Variants in SNTB1 observed in about 807,000 individuals in gnomAD.
SNTB1 encodes beta-1-syntrophin.
In SNTB1, 36 loss-of-function variants were observed where a neutral mutation model predicts 48.9. The ratio of observed to expected loss-of-function variants is 0.74; its 90% CI spans 0.56 to 0.97. The LOEUF is 0.97. Among genes scored for constraint, SNTB1 ranks in the 50% least tolerant of loss-of-function variants. The probability of loss-of-function intolerance (pLI) is 0.00; values close to 1 mark genes in which losing one functional copy is unlikely to be tolerated. For missense variants in SNTB1, 786 were observed against 703.4 expected (o/e 1.12, Z -1.33); for synonymous variants, 299 against 294.6 (o/e 1.01, Z -0.15).
At chr8:120,577,215 CA>C (rs1228751022) in intron 3 of SNTB1, among the ~76,000 whole-genome samples, 1 of 152,216 alleles carries the variant, frequency 6.6e-6, no homozygotes, top group Non-Finnish European at 1.5e-5. Flanking sequence ...TCCCTTCCAG[CA>C]ATTCCAAACA....
intron 4 of SNTB1, among the ~76,000 whole-genome samples, chr8:120,556,290 A>T (rs552779045): frequency 1.1e-4 from 17 of 152,194 alleles, no homozygotes; most frequent in African/African-American, 4.1e-4. Context: ...GGTAGGGTGG[A>T]TGGGTGGAGA....
intron 1 of SNTB1, among the ~76,000 whole-genome samples, chr8:120,733,291 T>G (rs1818883261): frequency 6.6e-6 from 1 of 152,228 alleles, no homozygotes; most frequent in Admixed American, 6.5e-5. Context: ...ATGTTAAAAA[T>G]CTGGCTGTGG....
chr8:120,593,521 G>A (rs1382732321), intron 3 of SNTB1, among the ~76,000 whole-genome samples: 1 of 152,114 alleles, frequency 6.6e-6, no homozygotes, highest in Non-Finnish European at 1.5e-5. Context: ...AGTCTCTGTT[G>A]GTGATGGACA....
chr8:120,797,414 G>A (rs908018361), intron 1 of SNTB1, among the ~76,000 whole-genome samples: 7 of 151,904 alleles, frequency 4.6e-5, no homozygotes, highest in Non-Finnish European at 8.8e-5. Context: ...GTTATTCAGG[G>A]GTTGATATTC....
intron 2 of SNTB1, among the ~76,000 whole-genome samples, chr8:120,691,218 AATC>A (rs1818122045): frequency 6.6e-6 from 1 of 152,148 alleles, no homozygotes; most frequent in Non-Finnish European, 1.5e-5. Flanking sequence ...AAACCCAAGA[AATC>A]ATCTATTCAA....
chr8:120,693,564 C>T, intron 2 of SNTB1, 128 bp downstream of exon 2: 1 of 755,726 alleles, frequency 1.3e-6, no homozygotes, highest in East Asian at 2.7e-5. Flanking sequence ...TCAGCATGGC[C>T]CTTTCATGCT....
intron 3 of SNTB1, among the ~76,000 whole-genome samples, chr8:120,583,004 C>G (rs1188854975): frequency 6.6e-6 from 1 of 152,074 alleles, no homozygotes; most frequent in African/African-American, 2.4e-5. Flanking sequence ...GTGTGGTTCT[C>G]TCATCTATAA....
intron 3 of SNTB1, among the ~76,000 whole-genome samples, chr8:120,578,021 G>C (rs1330331192): frequency 6.6e-6 from 1 of 151,942 alleles, no homozygotes; most frequent in African/African-American, 2.4e-5. Flanking sequence ...AAATCATGTG[G>C]AAGAACAGGG....
chr8:120,662,018 G>A (rs1817596965), intron 2 of SNTB1, among the ~76,000 whole-genome samples: 1 of 151,914 alleles, frequency 6.6e-6, no homozygotes, highest in Non-Finnish European at 1.5e-5. Flanking sequence ...ACTGTACTTT[G>A]TAGATATTTC....
At chr8:120,562,086 G>A (rs1311142280) in intron 4 of SNTB1, among the ~76,000 whole-genome samples, 1 of 152,152 alleles carries the variant, frequency 6.6e-6, no homozygotes, top group African/African-American at 2.4e-5. Flanking sequence ...AAGACACTGG[G>A]ATTCCCAGAT....
chr8:120,811,912 G>T lies in SNTB1; in HGVS notation c.-69C>A, dbSNP rs1820446395. 6 of 1,287,554 alleles carry T rather than the reference G, an allele frequency of 4.7e-6. No homozygotes were observed. The highest frequency in any genetic ancestry group is 5.9e-6 in the Non-Finnish European group (6 of 1,020,768). 79.8% of individuals were successfully genotyped at this position (1,287,554 alleles called of 1,614,324 possible). A position where few individuals can be genotyped will look rare whatever the true frequency, so the allele number is the denominator to read the frequency against. On this transcript the variant is annotated 5_prime_UTR_variant, in exon 1 of 7. Coordinates refer to ENST00000517992, the MANE Select transcript of SNTB1 (RefSeq NM_021021.4). ...AAAAGTGGGGAAGGGTGGCCGGGGG[G>T]AGGACGCGGGGCCCGGGGGAGCGAG... is the stretch of plus-strand genomic sequence containing the variant.
intron 1 of SNTB1, among the ~76,000 whole-genome samples, chr8:120,764,773 G>A (rs1819488167): frequency 6.6e-6 from 1 of 152,114 alleles, no homozygotes; most frequent in Admixed American, 6.5e-5. Flanking sequence ...AAATACATAA[G>A]TGTAGACTTT....
rs546241269 is a variant in SNTB1, at chr8:120,549,515, A to G, written c.1137-557T>C. Among the ~76,000 whole-genome samples the G allele has an allele frequency of 2.0e-5, 3 of 152,352 alleles. No homozygotes were observed. The South Asian group carries it at 6.2e-4, about 32-fold the overall frequency. On this transcript the variant is annotated intron_variant, in intron 4 of 6. Coordinates refer to ENST00000517992, the MANE Select transcript of SNTB1 (RefSeq NM_021021.4). ...GATAAAGCTCAAGGAAGAACTGGCA[A>G]TGCTGGACTTCTTGAGAAGTGGTAT...
chr8:120,744,229 A>G (rs1298911282), intron 1 of SNTB1, among the ~76,000 whole-genome samples: 1 of 151,918 alleles, frequency 6.6e-6, no homozygotes, highest in African/African-American at 2.4e-5. Flanking sequence ...AGAGAAGCTG[A>G]TTAAATCAAT....
chr8:120,538,646 A>G lies in SNTB1; in HGVS notation c.*231T>C, dbSNP rs551955058. The G allele has an allele frequency of 1.7e-6, 1 of 598,020 alleles. No individual in the cohort carries two copies. Among genetic ancestry groups the G allele is most frequent in the East Asian group, 3.6e-5 (1 of 28,134 alleles). 37.0% of individuals were successfully genotyped at this position (598,020 alleles called of 1,614,324 possible). On this transcript the variant is annotated 3_prime_UTR_variant, in exon 7 of 7. Transcript: ENST00000517992. ...CGTCACCTCACCTCTTTAACCTTGT[A>G]CTGTTCTAGAAAGTTTTACTCTGAT...
chr8:120,541,459 C>G (rs1044829435), intron 6 of SNTB1, among the ~76,000 whole-genome samples: 4 of 152,154 alleles, frequency 2.6e-5, no homozygotes, highest in African/African-American at 7.2e-5. Context: ...TTGCTGCATC[C>G]CTAACGTCTA....
At chr8:120,784,543 T>A (rs918137897) in intron 1 of SNTB1, among the ~76,000 whole-genome samples, 5 of 152,070 alleles carry the variant, frequency 3.3e-5, no homozygotes, top group African/African-American at 1.2e-4. Context: ...GACACAGCTG[T>A]CCGGACAAAG....
At chr8:120,611,495 G>C (rs375447027) in intron 3 of SNTB1, among the ~76,000 whole-genome samples, 1 of 152,144 alleles carries the variant, frequency 6.6e-6, no homozygotes, top group African/African-American at 2.4e-5. Flanking sequence ...TCTGAGACGA[G>C]AGATAATGGG....
chr8:120,647,842 T>G (rs199971425), intron 2 of SNTB1, among the ~76,000 whole-genome samples: 7 of 13,912 alleles, frequency 5.0e-4, no homozygotes, highest in Admixed American at 7.7e-4. Context: ...TTATGAATCT[T>G]GGTGCTCCTG....
Sources: gnomAD v4.1 joint callset for allele counts (sites outside exome capture counted in the v4.1 genomes callset) on GRCh38, gnomAD v4.1.1 for gene constraint, MANE v1.5 for transcripts, NCBI Gene and HGNC (gene_info 2026-07-23, HGNC 2026-07-21) for gene names.